The following CSNK2B variants were observed in gnomAD, a reference collection of about 807,000 sequenced individuals.
CSNK2B encodes casein kinase 2 beta, also known as casein kinase II subunit beta.
Under a neutral mutation model 28.8 loss-of-function variants are expected in CSNK2B, and 2 were observed. The observed-to-expected ratio is 0.07, with a 90% CI of 0.03 to 0.22. The LOEUF (loss-of-function observed/expected upper bound fraction) is 0.22. CSNK2B is among the 10% of genes least tolerant of loss of function. CSNK2B has a pLI of 1.00. For synonymous variants in CSNK2B, 89 were observed against 96.1 expected (o/e 0.93, Z 0.43); for missense variants, 107 against 277.9 (o/e 0.39, Z 4.37).
chr6:31,668,857 A>G (rs1040282910), intron 4 of CSNK2B: 43 of 616,494 alleles, frequency 7.0e-5, no homozygotes, highest in Non-Finnish European at 1.1e-4. Context: ...ACCTTGAATC[A>G]GAGAGTTGTG....
chr6:31,668,439 G>C, intron 3 of CSNK2B, 100 bp from the exon 4 acceptor site: 1 of 1,003,858 alleles, frequency 1.0e-6, no homozygotes, highest in Non-Finnish European at 1.5e-6. Context: ...CCCAAAAGTA[G>C]GTGCTAGGCA....
intron 1 of CSNK2B, chr6:31,666,529 A>T (rs1801718579): frequency 4.1e-6 from 2 of 488,902 alleles, no homozygotes; most frequent in Admixed American, 3.7e-5. Context: ...GTTGACACAG[A>T]GGAGAGAGGG....
In CSNK2B at chr6:31,669,328, A is replaced by G; in HGVS notation, c.377A>G (p.Asp126Gly). ...NQPMLPIGLS[D>G]IPGEAMVKLY... Reference sequence around the variant, plus strand: ...TCTGGCTGTCTCCCAGGCCTTTCAGACATCCCAGGTGAAGCCATGGTGAAG... The same window carrying G: ...TCTGGCTGTCTCCCAGGCCTTTCAGGCATCCCAGGTGAAGCCATGGTGAAG... The change falls in exon 6 of 7, where the codon GAC (aspartate) becomes GGC (glycine). Residue 126 changes from aspartate (D) to glycine (G), a missense_variant. Transcript: ENST00000375882. The surrounding 1 kb of genome is among the most constrained non-coding windows in gnomAD (Gnocchi z 4.8). The G allele has an allele frequency of 6.2e-7, 1 of 1,611,694 alleles. No individual in the cohort carries two copies. Among genetic ancestry groups the G allele is most frequent in the Non-Finnish European group, 8.5e-7 (1 of 1,178,126 alleles).
Position 31,666,814 on chromosome 6 carries a change from T to C in CSNK2B, c.-11-7T>C, listed in dbSNP as rs1210362295. 7 of 1,610,690 alleles carry C rather than the reference T, an allele frequency of 4.3e-6. No individual in the cohort carries two copies. Among genetic ancestry groups the C allele is most frequent in the Non-Finnish European group, 5.9e-6 (7 of 1,177,562 alleles). On this transcript the variant is annotated splice_polypyrimidine_tract_variant and splice_region_variant and intron_variant, in intron 1 of 6. Transcript: ENST00000375882. ...CTTGAGCTTTACTGACACTGTTCTT[T>C]TTCTAGCTGACGTGAAGATGAGCAG...
intron 1 of CSNK2B, 107 bp from the exon 2 acceptor site, chr6:31,666,714 G>A: frequency 1.3e-6 from 1 of 791,040 alleles, no homozygotes; most frequent in South Asian, 1.7e-5. Context: ...TTTAAGAAAG[G>A]GTGGTTCCGA....
Position 31,667,260 on chromosome 6 carries a change from T to C in CSNK2B, c.72+357T>C, listed in dbSNP as rs890708850. The stretch of plus-strand genomic sequence containing the variant: ...GATTCTCCTGCTCCAGCCTCCCAAG[T>C]AGCTGGGATTACAAGTGCCTGCCAC... On this transcript the variant is annotated intron_variant, in intron 2 of 6. Coordinates refer to ENST00000375882, the MANE Select transcript of CSNK2B (RefSeq NM_001320.7). 7 of 432,684 alleles carry C rather than the reference T, an allele frequency of 1.6e-5. No individual in the cohort carries two copies. In the Admixed American group the frequency reaches 1.9e-4, roughly 12 times the overall value. The allele number at this position is 432,684 out of a possible 1,614,324, so 26.8% of individuals were successfully genotyped here. A position where few individuals can be genotyped will look rare whatever the true frequency, so the allele number is the denominator to read the frequency against.
At position 31,669,188 on chromosome 6, in the gene CSNK2B, GGGAAA is replaced by G; in HGVS notation, c.367+23_367+27del. Reference sequence around the variant, plus strand: ...CTTCCCATTGGTGAGTGTTGAAGAAGGGAAAGGAAAGCACCGTGTGGCAGTCTTAT... The same window carrying G: ...CTTCCCATTGGTGAGTGTTGAAGAAGGGAAAGCACCGTGTGGCAGTCTTAT... On this transcript the variant is annotated intron_variant, in intron 5 of 6. Coordinates refer to ENST00000375882, the MANE Select transcript of CSNK2B (RefSeq NM_001320.7). This position sits in a 1 kb window ranked among gnomAD's most constrained non-coding sequence, Gnocchi z 4.8. The G allele has an allele frequency of 6.2e-7, 1 of 1,612,604 alleles. No homozygotes were observed. Among genetic ancestry groups the G allele is most frequent in the Non-Finnish European group, 8.5e-7 (1 of 1,178,726 alleles).
rs898804504 is a variant in CSNK2B, at chr6:31,669,310, G to C, written c.368-9G>C. On this transcript the variant is annotated splice_polypyrimidine_tract_variant and intron_variant, in intron 5 of 6. Transcript: ENST00000375882. This position sits in a 1 kb window ranked among gnomAD's most constrained non-coding sequence, Gnocchi z 4.8. ...GATACCTGGCCTGCTGAGTCTGGCTGTCTCCCAGGCCTTTCAGACATCCCA... is the reference window on the plus strand; with the variant it reads ...GATACCTGGCCTGCTGAGTCTGGCTCTCTCCCAGGCCTTTCAGACATCCCA... 1 of 1,609,180 alleles carries C rather than the reference G, an allele frequency of 6.2e-7. No individual in the cohort carries two copies.
At position 31,669,756 on chromosome 6, in the gene CSNK2B, G is replaced by A; in HGVS notation, c.558-80G>A. 2 of 1,271,262 alleles carry A rather than the reference G, an allele frequency of 1.6e-6. No individual in the cohort carries two copies. Among genetic ancestry groups the A allele is most frequent in the Non-Finnish European group, 2.2e-6 (2 of 904,602 alleles). The allele number at this position is 1,271,262 out of a possible 1,614,324, so 78.7% of individuals were successfully genotyped here. A position where few individuals can be genotyped will look rare whatever the true frequency, so the allele number is the denominator to read the frequency against. Reference sequence around the variant, plus strand: ...AGCAGGTCCATAGAGGAGCTCAGGTGGGGAGGTGGGAATGCAGGTGACTGG... The same window carrying A: ...AGCAGGTCCATAGAGGAGCTCAGGTAGGGAGGTGGGAATGCAGGTGACTGG... On this transcript the variant is annotated intron_variant, in intron 6 of 6. Transcript: ENST00000375882. This position sits in a 1 kb window ranked among gnomAD's most constrained non-coding sequence, Gnocchi z 4.8.
chr6:31,667,415 A>T (rs1216034248), intron 2 of CSNK2B: 1 of 351,078 alleles, frequency 2.8e-6, no homozygotes, highest in Non-Finnish European at 5.6e-6. Context: ...TACAGGCGTG[A>T]GCCATTGCGC....
At chr6:31,668,286 A>T (rs1273417723) in intron 3 of CSNK2B, 1 of 601,536 alleles carries the variant, frequency 1.7e-6, no homozygotes, top group Non-Finnish European at 2.9e-6. Flanking sequence ...TGTTGCAGTT[A>T]TGTATTGAGG....
At position 31,669,652 on chromosome 6, in the gene CSNK2B, T is replaced by C. The variant is rs1802040815; in HGVS notation, c.557+144T>C. 1 of 1,101,838 alleles carries C rather than the reference T, an allele frequency of 9.1e-7. No homozygotes were observed. Among genetic ancestry groups the C allele is most frequent in the Admixed American group, 2.4e-5 (1 of 41,152 alleles). 68.3% of individuals were successfully genotyped at this position (1,101,838 alleles called of 1,614,324 possible). On this transcript the variant is annotated intron_variant, in intron 6 of 6. Coordinates refer to ENST00000375882, the MANE Select transcript of CSNK2B (RefSeq NM_001320.7). This position sits in a 1 kb window ranked among gnomAD's most constrained non-coding sequence, Gnocchi z 4.8. Reference sequence around the variant, plus strand: ...TGCTGAGTGACTGTGGGAAAGTTATTTGATTATCTGTGCTTGAGTTACCTT... The same window carrying C: ...TGCTGAGTGACTGTGGGAAAGTTATCTGATTATCTGTGCTTGAGTTACCTT...
intron 2 of CSNK2B, among the ~76,000 whole-genome samples, chr6:31,667,590 G>A (rs1562048311): frequency 6.6e-6 from 1 of 152,210 alleles, no homozygotes; most frequent in African/African-American, 2.4e-5. Context: ...TCCTAGAGAC[G>A]GGATACAGGA....
At position 31,666,773 on chromosome 6, in the gene CSNK2B, A is replaced by G. The variant is rs1801743828; in HGVS notation, c.-11-48A>G. 3 of 1,474,600 alleles carry G rather than the reference A, an allele frequency of 2.0e-6. No individual in the cohort carries two copies. In the Admixed American group the frequency reaches 5.3e-5, roughly 26 times the overall value. 91.3% of individuals were successfully genotyped at this position (1,474,600 alleles called of 1,614,324 possible). A position where few individuals can be genotyped will look rare whatever the true frequency, so the allele number is the denominator to read the frequency against. On this transcript the variant is annotated intron_variant, in intron 1 of 6. Transcript: ENST00000375882. ...AATGTGGGAGGAGGGAGGATACCAG[A>G]GGCAGGGAAGGAGAACTTGAGCTTT...
Position 31,668,661 on chromosome 6 carries a change from C to G in CSNK2B, c.291+7C>G. The G allele has an allele frequency of 6.2e-7, 1 of 1,608,168 alleles. No individual in the cohort carries two copies. ...CCGTGGCATCGCCCAGATGGTGAGG[C>G]CTCTCTGCTCCTACCTGCCTCCTTC... On this transcript the variant is annotated splice_region_variant and intron_variant, in intron 4 of 6. Transcript: ENST00000375882.
Position 31,666,775 on chromosome 6 carries a change from G to T in CSNK2B, c.-11-46G>T, listed in dbSNP as rs562664170. 36 of 1,486,076 alleles carry T rather than the reference G, an allele frequency of 2.4e-5. No homozygotes were observed. In the East Asian group the frequency reaches 3.4e-4, roughly 14 times the overall value. The allele number at this position is 1,486,076 out of a possible 1,614,324, so 92.1% of individuals were successfully genotyped here. A position where few individuals can be genotyped will look rare whatever the true frequency, so the allele number is the denominator to read the frequency against. ...TGTGGGAGGAGGGAGGATACCAGAG[G>T]CAGGGAAGGAGAACTTGAGCTTTAC... On this transcript the variant is annotated intron_variant, in intron 1 of 6. Coordinates refer to ENST00000375882, the MANE Select transcript of CSNK2B (RefSeq NM_001320.7).
In CSNK2B at chr6:31,669,970, T is replaced by C; in HGVS notation, c.*44T>C. ...CTGCAGTCTTTGACTTTTCCTTTCTTTTTTGCCACCCTTTCAGGAACCCTG... is the reference window on the plus strand; with the variant it reads ...CTGCAGTCTTTGACTTTTCCTTTCTCTTTTGCCACCCTTTCAGGAACCCTG... On this transcript the variant is annotated 3_prime_UTR_variant, in exon 7 of 7. Transcript: ENST00000375882. This position sits in a 1 kb window ranked among gnomAD's most constrained non-coding sequence, Gnocchi z 4.8. 6.5e-7 allele frequency: 1 copy of C among 1,530,706 alleles called. No individual in the cohort carries two copies. Among genetic ancestry groups the C allele is most frequent in the East Asian group, 2.3e-5 (1 of 43,994 alleles). The allele number at this position is 1,530,706 out of a possible 1,614,324, so 94.8% of individuals were successfully genotyped here. A position where few individuals can be genotyped will look rare whatever the true frequency, so the allele number is the denominator to read the frequency against.
chr6:31,668,293 G>C, intron 3 of CSNK2B: 4 of 601,702 alleles, frequency 6.6e-6, no homozygotes, highest in Non-Finnish European at 1.2e-5. Flanking sequence ...GTTATGTATT[G>C]AGGAGGGAGT....
chr6:31,666,288 C>A, intron 1 of CSNK2B, 80 bp downstream of exon 1: 1 of 658,210 alleles, frequency 1.5e-6, no homozygotes, highest in Non-Finnish European at 1.9e-6. Flanking sequence ...GATGTGGGGG[C>A]GGGGGAGGAA....
Sources: gnomAD v4.1 joint callset for allele counts (sites outside exome capture counted in the v4.1 genomes callset) on GRCh38, gnomAD v4.1.1 for gene constraint, Gnocchi (gnomAD v3.1) non-coding constraint, MANE v1.5 for transcripts, NCBI Gene and HGNC (gene_info 2026-07-23, HGNC 2026-07-21) for gene names.